The following MAJIN variants were observed in gnomAD, a reference collection of about 807,000 sequenced individuals.
The protein encoded by MAJIN is membrane anchored junction protein.
MAJIN carries 27 observed loss-of-function variants against 30.2 expected under a neutral mutation model. The observed-to-expected ratio is 0.89, with a 90% CI of 0.66 to 1.23. The LOEUF (loss-of-function observed/expected upper bound fraction) is 1.23. MAJIN is among the 50% of genes most tolerant of loss of function. MAJIN has a pLI of 0.00. For synonymous variants in MAJIN, 78 were observed against 91.6 expected (o/e 0.85, Z 0.85); for missense variants, 253 against 260.3 (o/e 0.97, Z 0.19).
Position 64,949,875 on chromosome 11 carries a change from A to T in MAJIN, c.224-7T>A. On this transcript the variant is annotated splice_region_variant and splice_polypyrimidine_tract_variant and intron_variant, in intron 5 of 10. Transcript: ENST00000301896. ...CTCTCCCATTTGCTTTTATCTGGAA[A>T]ATGGTGCTAAGGAGTAAGGAAAGAT... is the stretch of plus-strand genomic sequence containing the variant. 6.2e-7 allele frequency: 1 copy of T among 1,601,828 alleles called. No individual in the cohort carries two copies. Among genetic ancestry groups the T allele is most frequent in the Non-Finnish European group, 8.5e-7 (1 of 1,179,778 alleles).
chr11:64,955,276 AG>A (rs1945614139), intron 3 of MAJIN, among the ~76,000 whole-genome samples: 1 of 152,058 alleles, frequency 6.6e-6, no homozygotes. Context: ...ACTGCTGCAT[AG>A]GAAAAAAAAA....
In MAJIN at chr11:64,947,834, T is replaced by C. The variant is rs143874564; in HGVS notation, c.350-15A>G. On this transcript the variant is annotated splice_polypyrimidine_tract_variant and intron_variant, in intron 6 of 10. Coordinates refer to ENST00000301896, the MANE Select transcript of MAJIN (RefSeq NM_001037225.3). ...TATTGGTTTCCCTACAATAGGAAAT[T>C]TGAGTGTCATAATAGATTTAAGACT... 1 of 1,609,654 alleles carries C rather than the reference T, an allele frequency of 6.2e-7. No homozygotes were observed. The highest frequency in any genetic ancestry group is 2.2e-5 in the East Asian group (1 of 44,858).
intron 8 of MAJIN, among the ~76,000 whole-genome samples, chr11:64,940,987 C>T (rs1346835604): frequency 3.3e-5 from 5 of 151,622 alleles, no homozygotes; most frequent in African/African-American, 4.8e-5. Context: ...TACAGGCGCC[C>T]GCCACCATGC....
At chr11:64,964,114 A>AT (rs1164878472) in intron 1 of MAJIN, among the ~76,000 whole-genome samples, 17 of 150,558 alleles carry the variant, frequency 1.1e-4, no homozygotes, top group African/African-American at 3.2e-4. Flanking sequence ...TAAATTTTGT[A>AT]TTTTTTTTTA....
Position 64,950,419 on chromosome 11 carries a change from G to A in MAJIN, c.159C>T (p.Arg53=), listed in dbSNP as rs112044647. The change falls in exon 5 of 11, where the codon CGC becomes CGT. Residue 53 remains arginine (R), a synonymous_variant. Coordinates refer to ENST00000301896, the MANE Select transcript of MAJIN (RefSeq NM_001037225.3). ...GATTGTCCAAGTTTCCCAAGACCAC[G>A]CGGACAGAATCCTGAAAAACATATT... The part of the protein sequence containing the change: ...VITQELEDSV[R]VVLGNLDNLQ... 2.6e-4 allele frequency: 425 copies of A among 1,610,954 alleles called. 2 individuals are homozygous for A. In the African/African-American group the frequency reaches 3.0e-3, roughly 11 times the overall value.
chr11:64,949,870 T>G lies in MAJIN; in HGVS notation c.224-2A>C. 1 of 1,602,378 alleles carries G rather than the reference T, an allele frequency of 6.2e-7. No homozygotes were observed. Among genetic ancestry groups the G allele is most frequent in the Non-Finnish European group, 8.5e-7 (1 of 1,179,790 alleles). The stretch of plus-strand genomic sequence containing the variant: ...AAACTCTCTCCCATTTGCTTTTATC[T>G]GGAAAATGGTGCTAAGGAGTAAGGA... On this transcript the variant is annotated splice_acceptor_variant, in intron 5 of 10. Transcript: ENST00000301896. LOFTEE classifies it high-confidence loss of function.
chr11:64,963,999 A>G (rs1482821295), intron 1 of MAJIN, among the ~76,000 whole-genome samples: 3 of 152,312 alleles, frequency 2.0e-5, no homozygotes, highest in South Asian at 2.1e-4. Context: ...GCTGGAGTGC[A>G]GTAGCATGAT....
At chr11:64,947,701 G>A in intron 7 of MAJIN, 87 bp downstream of exon 7, 2 of 1,428,946 alleles carry the variant, frequency 1.4e-6, no homozygotes, top group South Asian at 1.1e-5. Context: ...TGAGGGCAAA[G>A]TAAGGGGAAG....
chr11:64,944,650 C>G (rs1298663639), intron 8 of MAJIN, among the ~76,000 whole-genome samples: 11 of 151,982 alleles, frequency 7.2e-5, no homozygotes, highest in Non-Finnish European at 1.6e-4. Flanking sequence ...CAGAGTGTGA[C>G]CCTGTCTCAA....
At chr11:64,939,892 T>A in intron 9 of MAJIN, 125 bp from the exon 10 acceptor site, 1 of 753,048 alleles carries the variant, frequency 1.3e-6, no homozygotes, top group Non-Finnish European at 2.1e-6. Context: ...TAAAGCCAGA[T>A]GAATTGTTTG....
At chr11:64,940,695 C>T (rs926514088) in intron 8 of MAJIN, 49 bp from the exon 9 acceptor site, 2 of 1,528,226 alleles carry the variant, frequency 1.3e-6, no homozygotes, top group Non-Finnish European at 1.8e-6. Flanking sequence ...TCCTACACTG[C>T]ATGGCAATCT....
chr11:64,938,341 A>C lies in MAJIN; in HGVS notation c.*234T>G. On this transcript the variant is annotated 3_prime_UTR_variant, in exon 11 of 11. Coordinates refer to ENST00000301896, the MANE Select transcript of MAJIN (RefSeq NM_001037225.3). ...TAGAAAGTTCCATTCTTAATGTTTT[A>C]AATTGGGGGAAAAAATCTATTATAA... 1.6e-6 allele frequency: 1 copy of C among 630,522 alleles called. No individual in the cohort carries two copies. The highest frequency in any genetic ancestry group is 2.6e-6 in the Non-Finnish European group (1 of 377,570). The allele number at this position is 630,522 out of a possible 1,614,324, so 39.1% of individuals were successfully genotyped here. A position where few individuals can be genotyped will look rare whatever the true frequency, so the allele number is the denominator to read the frequency against.
At chr11:64,951,596 C>A (rs1363514859) in intron 4 of MAJIN, among the ~76,000 whole-genome samples, 1 of 152,100 alleles carries the variant, frequency 6.6e-6, no homozygotes, top group African/African-American at 2.4e-5. Context: ...AATACTCCAT[C>A]TCTACAAAAA....
intron 4 of MAJIN, 161 bp downstream of exon 4, chr11:64,954,596 C>T: frequency 1.3e-6 from 1 of 741,346 alleles, no homozygotes. Context: ...TTTAAATTCC[C>T]ATGGAAAAAC....
intron 5 of MAJIN, 70 bp from the exon 6 acceptor site, chr11:64,949,938 ACTCT>A (rs1456157496): frequency 6.4e-7 from 1 of 1,551,378 alleles, no homozygotes; most frequent in Non-Finnish European, 8.7e-7. Context: ...TAGGGATGAG[ACTCT>A]CTCTCCTTCC....
chr11:64,961,776 C>CT (rs963779531), intron 1 of MAJIN, among the ~76,000 whole-genome samples: 2 of 147,222 alleles, frequency 1.4e-5, no homozygotes, highest in Non-Finnish European at 3.0e-5. Context: ...GCGCCTGGCT[C>CT]TTTTTTTTTC....
At chr11:64,963,640 C>A (rs1945761545) in intron 1 of MAJIN, among the ~76,000 whole-genome samples, 1 of 152,140 alleles carries the variant, frequency 6.6e-6, no homozygotes, top group Non-Finnish European at 1.5e-5. Context: ...GAGTTTGAGA[C>A]CAGGCTGGCC....
intron 1 of MAJIN, among the ~76,000 whole-genome samples, chr11:64,964,868 G>C (rs1440685303): frequency 6.6e-6 from 1 of 152,150 alleles, no homozygotes; most frequent in East Asian, 1.9e-4. Context: ...TTACAGGTGT[G>C]AGCCACTGCA....
chr11:64,970,599 T>C (rs1456673640), intron 1 of MAJIN, among the ~76,000 whole-genome samples: 1 of 151,088 alleles, frequency 6.6e-6, no homozygotes, highest in Non-Finnish European at 1.5e-5. Flanking sequence ...TCTCCTGACC[T>C]TGTGATCCAC....
Sources: gnomAD v4.1 joint callset for allele counts (sites outside exome capture counted in the v4.1 genomes callset) on GRCh38, gnomAD v4.1.1 for gene constraint, MANE v1.5 for transcripts, NCBI Gene and HGNC (gene_info 2026-07-23, HGNC 2026-07-21) for gene names.